Variants in ARHGAP26 observed in about 807,000 individuals in gnomAD.
The protein encoded by ARHGAP26 is rho GTPase-activating protein 26.
A neutral mutation model predicts 104.8 loss-of-function variants in ARHGAP26; 38 were observed. The ratio of observed to expected loss-of-function variants is 0.36; its 90% confidence interval spans 0.28 to 0.48. The LOEUF is 0.48. Ranked by LOEUF, ARHGAP26 falls within the 20% of genes least tolerant of loss-of-function variation. ARHGAP26 has a pLI of 0.99. For missense variants in ARHGAP26, 704 were observed against 947.9 expected, an observed-to-expected ratio of 0.74 and a Z score of 3.38; for synonymous variants, 341 against 340.0, an observed-to-expected ratio of 1.00 and a Z score of -0.03.
chr5:142,837,822 A>C (rs1769899460), intron 1 of ARHGAP26, among the ~76,000 whole-genome samples: 1 of 152,158 alleles, frequency 6.6e-6, no homozygotes, highest in Non-Finnish European at 1.5e-5. Flanking sequence ...ACAATACAAA[A>C]CAGTTTTGCC....
rs1767471261 is a variant in ARHGAP26 at position 142,948,291 on chromosome 5, T to C, written c.1107+16166T>C. On this transcript the variant is annotated intron_variant, in intron 11 of 22. Coordinates refer to ENST00000645722, the MANE Select transcript of ARHGAP26 (RefSeq NM_001135608.3). ...TGGTTGGGAAGTTTGTAACACTGTC[T>C]CTAGCACCAGCAGTAAAATTAGGAT... 2.6e-5 allele frequency among the ~76,000 whole-genome samples: 4 copies of C among 152,078 alleles called. No homozygotes were observed. In the South Asian group the frequency reaches 8.3e-4, roughly 31 times the overall value.
At chr5:143,002,751 C>A (rs1476695444) in intron 11 of ARHGAP26, among the ~76,000 whole-genome samples, 2 of 152,184 alleles carry the variant, frequency 1.3e-5, no homozygotes, top group African/African-American at 2.4e-5. Context: ...TCTTTTGCAT[C>A]CAGTTTTTGT....
intron 11 of ARHGAP26, among the ~76,000 whole-genome samples, chr5:142,934,059 C>G (rs1409733320): frequency 1.3e-5 from 2 of 152,086 alleles, no homozygotes; most frequent in African/African-American, 4.8e-5. Flanking sequence ...CAAAAAAAAG[C>G]CAAATTACAA....
chr5:142,796,289 G>A (rs1416430428), intron 1 of ARHGAP26, among the ~76,000 whole-genome samples: 2 of 152,132 alleles, frequency 1.3e-5, no homozygotes, highest in East Asian at 1.9e-4. Context: ...TAAGACTTGG[G>A]TTTAAATATT....
In ARHGAP26 at chr5:142,866,208, C is replaced by T. The variant is rs188261368; in HGVS notation, c.155-7192C>T. Among the ~76,000 whole-genome samples, 306 of 152,234 alleles carry T rather than the reference C, an allele frequency of 2.0e-3. 4 individuals are homozygous for T. Among genetic ancestry groups the T allele is most frequent in the African/African-American group, 6.7e-3 (280 of 41,528 alleles). Reference sequence around the variant, plus strand: ...TAAAAATTGTATTCCCCTTAAGGCACGGAATGTATACATACCATCTTTTCA... The same window carrying T: ...TAAAAATTGTATTCCCCTTAAGGCATGGAATGTATACATACCATCTTTTCA... On this transcript the variant is annotated intron_variant, in intron 1 of 22. Coordinates refer to ENST00000645722, the MANE Select transcript of ARHGAP26 (RefSeq NM_001135608.3).
chr5:142,799,775 TA>T (rs1761697059), intron 1 of ARHGAP26, among the ~76,000 whole-genome samples: 1 of 152,168 alleles, frequency 6.6e-6, no homozygotes, highest in Admixed American at 6.5e-5. Flanking sequence ...ATTCCTGTGA[TA>T]ATAAACTCAC....
chr5:143,095,553 C>G (rs187314411), intron 17 of ARHGAP26, among the ~76,000 whole-genome samples: 183 of 152,256 alleles, frequency 1.2e-3, no homozygotes, highest in African/African-American at 3.8e-3. Flanking sequence ...TTTTGTAAAT[C>G]TCCTTAATGT....
At position 142,824,247 on chromosome 5, in the gene ARHGAP26, C is replaced by T. The variant is rs1766773202; in HGVS notation, c.155-49153C>T. Among the ~76,000 whole-genome samples the T allele has an allele frequency of 2.6e-5, 4 of 152,162 alleles. No homozygotes were observed. In the South Asian group the frequency reaches 8.3e-4, roughly 32 times the overall value. ...CCAGGTTCTTGAGGATGTGTTGTTG[C>T]TTGCTGAGTGGAGCTCTGCTAGTTG... On this transcript the variant is annotated intron_variant, in intron 1 of 22. Transcript: ENST00000645722.
chr5:143,057,584 C>T, intron 16 of ARHGAP26, 58 bp from the exon 17 acceptor site: 1 of 1,446,430 alleles, frequency 6.9e-7, no homozygotes, highest in East Asian at 2.3e-5. Flanking sequence ...AATTTTTCAA[C>T]CTTAAAGTTG....
chr5:143,115,163 T>C (rs1442151942), intron 17 of ARHGAP26, among the ~76,000 whole-genome samples: 2 of 151,962 alleles, frequency 1.3e-5, no homozygotes, highest in Non-Finnish European at 2.9e-5. Context: ...TGAAACCCCG[T>C]CTCTGCTAAA....
chr5:142,804,476 T>G (rs1324431991), intron 1 of ARHGAP26, among the ~76,000 whole-genome samples: 1 of 152,166 alleles, frequency 6.6e-6, no homozygotes, highest in Non-Finnish European at 1.5e-5. Flanking sequence ...AAGCATAGGT[T>G]TGAACAGATT....
chr5:143,113,129 G>A (rs1213368749), intron 17 of ARHGAP26, among the ~76,000 whole-genome samples: 1 of 152,218 alleles, frequency 6.6e-6, no homozygotes, highest in Non-Finnish European at 1.5e-5. Flanking sequence ...GAGAAGATGA[G>A]TGGAAATAGA....
intron 11 of ARHGAP26, among the ~76,000 whole-genome samples, chr5:143,013,560 A>G (rs1407545705): frequency 6.6e-6 from 1 of 152,214 alleles, no homozygotes; most frequent in East Asian, 1.9e-4. Context: ...CCCGGTATTA[A>G]CAGTCAACAG....
At chr5:142,856,812 A>G (rs916409539) in intron 1 of ARHGAP26, among the ~76,000 whole-genome samples, 3 of 152,208 alleles carry the variant, frequency 2.0e-5, no homozygotes, top group Non-Finnish European at 4.4e-5. Flanking sequence ...ATGCCATTTT[A>G]TATCAGATAC....
chr5:143,222,263 ACACACACACACACACACACACCC>A, intron 22 of ARHGAP26, 72 bp from the exon 23 acceptor site: 1 of 650,410 alleles, frequency 1.5e-6, no homozygotes, highest in South Asian at 3.5e-5. Context: ...ACACACACAC[ACACACACACACACACACACACCC>A]CACACACACA....
chr5:143,189,521 T>C (rs1805609521), intron 20 of ARHGAP26, among the ~76,000 whole-genome samples: 1 of 152,222 alleles, frequency 6.6e-6, no homozygotes, highest in Non-Finnish European at 1.5e-5. Context: ...TTTGGTTGTT[T>C]ACGAGTTTAT....
intron 18 of ARHGAP26, among the ~76,000 whole-genome samples, chr5:143,123,101 G>T (rs147587728): frequency 1.3e-5 from 2 of 152,274 alleles, no homozygotes; most frequent in South Asian, 4.1e-4. Context: ...CTCCAAAATG[G>T]CTCCCAGTGA....
At chr5:142,845,932 CCTT>C (rs1429370177) in intron 1 of ARHGAP26, among the ~76,000 whole-genome samples, 1 of 152,176 alleles carries the variant, frequency 6.6e-6, no homozygotes, top group Admixed American at 6.5e-5. Flanking sequence ...TGCATTTTCT[CCTT>C]GTTTCCTCAC....
At chr5:142,987,149 T>G (rs1398484960) in intron 11 of ARHGAP26, among the ~76,000 whole-genome samples, 2 of 152,248 alleles carry the variant, frequency 1.3e-5, no homozygotes, top group Non-Finnish European at 2.9e-5. Context: ...CTTCCATTTG[T>G]TTGTGTCCTC....
Sources: gnomAD v4.1 joint callset for allele counts (sites outside exome capture counted in the v4.1 genomes callset) on GRCh38, gnomAD v4.1.1 for gene constraint, MANE v1.5 for transcripts, NCBI Gene and HGNC (gene_info 2026-07-23, HGNC 2026-07-21) for gene names.